Variants in IFT25 observed in about 807,000 individuals in gnomAD.
The protein encoded by IFT25 is intraflagellar transport 25.
the IFT25 span, among the ~76,000 whole-genome samples, chr1:53,913,882 G>A: frequency 5.3e-5 from 8 of 152,162 alleles, no homozygotes; most frequent in Non-Finnish European, 1.0e-4. Flanking sequence ...CTACAACGCA[G>A]GAAGAAAGGG....
At chr1:53,940,232 C>CT in the IFT25 span, 1 of 583,936 alleles carries the variant, frequency 1.7e-6, no homozygotes, top group Non-Finnish European at 3.0e-6. Context: ...GGGAGGGACT[C>CT]TAACATGTTT....
At chr1:53,920,759 G>A in the IFT25 span, among the ~76,000 whole-genome samples, 1 of 152,192 alleles carries the variant, frequency 6.6e-6, no homozygotes, top group Non-Finnish European at 1.5e-5. Context: ...TTGAGCCCAG[G>A]AGTTTGAGAC....
At chr1:53,943,745 T>G in the IFT25 span, among the ~76,000 whole-genome samples, 1 of 152,052 alleles carries the variant, frequency 6.6e-6, no homozygotes, top group Non-Finnish European at 1.5e-5. Context: ...CACCTCAGCC[T>G]TCCTAGTAGC....
the IFT25 span, among the ~76,000 whole-genome samples, chr1:53,914,079 C>G: frequency 6.6e-6 from 1 of 152,224 alleles, no homozygotes; most frequent in African/African-American, 2.4e-5. Flanking sequence ...CTGATTCTCT[C>G]CAGCTCCATC....
chr1:53,918,748 G>C, the IFT25 span, among the ~76,000 whole-genome samples: 4 of 152,152 alleles, frequency 2.6e-5, no homozygotes, highest in South Asian at 6.2e-4. Context: ...TCATAGGCTG[G>C]TCTGTGTGCT....
the IFT25 span, among the ~76,000 whole-genome samples, chr1:53,944,707 T>C: frequency 1.3e-5 from 2 of 152,144 alleles, no homozygotes; most frequent in African/African-American, 4.8e-5. Flanking sequence ...AGCAAGGCAA[T>C]TTCCTCAGGG....
chr1:53,922,536 CA>C, the IFT25 span, among the ~76,000 whole-genome samples: 1 of 151,988 alleles, frequency 6.6e-6, no homozygotes, highest in Non-Finnish European at 1.5e-5. Context: ...AGCAATTAGC[CA>C]ATATATTTTA....
the IFT25 span, among the ~76,000 whole-genome samples, chr1:53,931,671 A>G: frequency 1.3e-5 from 2 of 152,316 alleles, no homozygotes; most frequent in East Asian, 3.9e-4. Flanking sequence ...TGTTCTTTAT[A>G]TATGATTCCT....
the IFT25 span, chr1:53,928,524 T>C: frequency 4.2e-6 from 4 of 962,938 alleles, no homozygotes; most frequent in Admixed American, 3.8e-5. Context: ...TGCCTGAGAT[T>C]ATCATGCACA....
chr1:53,933,425 C>T, the IFT25 span, among the ~76,000 whole-genome samples: 10 of 152,186 alleles, frequency 6.6e-5, no homozygotes, highest in Admixed American at 2.0e-4. Flanking sequence ...TGAGCCACCG[C>T]ACCCAGCTAT....
At chr1:53,945,294 G>A in the IFT25 span, among the ~76,000 whole-genome samples, 1 of 152,208 alleles carries the variant, frequency 6.6e-6, no homozygotes, top group Non-Finnish European at 1.5e-5. Context: ...ATTTACAACT[G>A]GTTTTCCCTT....
chr1:53,915,901 G>A, the IFT25 span, among the ~76,000 whole-genome samples: 1 of 152,310 alleles, frequency 6.6e-6, no homozygotes, highest in East Asian at 1.9e-4. Flanking sequence ...AAAAAGGTGA[G>A]GGGCTGAGAG....
the IFT25 span, among the ~76,000 whole-genome samples, chr1:53,937,958 T>C: frequency 8.5e-5 from 13 of 152,236 alleles, no homozygotes; most frequent in Non-Finnish European, 1.8e-4. Flanking sequence ...GAATTTTTTA[T>C]TCAAACTAAA....
the IFT25 span, among the ~76,000 whole-genome samples, chr1:53,935,088 G>A: frequency 4.6e-5 from 7 of 152,228 alleles, no homozygotes. Context: ...GGCTGATGCA[G>A]GTGGATCATG....
chr1:53,930,316 T>C, the IFT25 span, among the ~76,000 whole-genome samples: 1 of 152,214 alleles, frequency 6.6e-6, no homozygotes, highest in African/African-American at 2.4e-5. Context: ...TCTTTACTAC[T>C]ACCAGGTATT....
chr1:53,944,876 G>T, the IFT25 span, among the ~76,000 whole-genome samples: 4 of 152,100 alleles, frequency 2.6e-5, no homozygotes, highest in African/African-American at 9.7e-5. Flanking sequence ...CATGCCCTTT[G>T]TGGTCCTTCT....
At chr1:53,927,231 G>A in the IFT25 span, among the ~76,000 whole-genome samples, 3 of 152,184 alleles carry the variant, frequency 2.0e-5, no homozygotes, top group African/African-American at 4.8e-5. Flanking sequence ...GTGTGCATGA[G>A]CCACACTTAT....
the IFT25 span, among the ~76,000 whole-genome samples, chr1:53,913,427 C>T: frequency 6.6e-6 from 1 of 152,170 alleles, no homozygotes; most frequent in African/African-American, 2.4e-5. Flanking sequence ...AGAGCAGTCC[C>T]CTTCTGGGTC....
At chr1:53,929,029 C>G in the IFT25 span, 1 of 153,140 alleles carries the variant, frequency 6.5e-6, no homozygotes, top group East Asian at 1.9e-4. Flanking sequence ...AGTCCAGTCT[C>G]TACCACTCCA....
Sources: allele counts gnomAD v4.1 joint callset (sites outside exome capture counted in the v4.1 genomes callset), GRCh38; gene constraint gnomAD v4.1.1; transcripts MANE v1.5; gene names NCBI Gene and HGNC (gene_info 2026-07-23, HGNC 2026-07-21).